Variants in SGCD observed in about 807,000 individuals in gnomAD.
SGCD encodes the protein delta-sarcoglycan.
In SGCD, 18 loss-of-function variants were observed where a neutral mutation model predicts 36.6. That is an observed-to-expected ratio of 0.49 (90% CI 0.34 to 0.73). SGCD has a LOEUF of 0.73. Among genes scored for constraint, SGCD ranks in the 30% least tolerant of loss-of-function variants. The pLI, the probability that SGCD is intolerant of heterozygous loss-of-function variation, is 0.01. For synonymous variants in SGCD, 133 were observed against 130.6 expected (o/e 1.02, Z -0.12); for missense variants, 387 against 346.7 (o/e 1.12, Z -0.92).
intron 6 of SGCD, among the ~76,000 whole-genome samples, chr5:156,628,093 A>G (rs1762500861): frequency 1.3e-5 from 2 of 152,176 alleles, no homozygotes; most frequent in African/African-American, 2.4e-5. Flanking sequence ...GAGGGGGAGC[A>G]AGCACATCCC....
At chr5:155,840,268 G>C in the SGCD span, among the ~76,000 whole-genome samples, 2 of 150,410 alleles carry the variant, frequency 1.3e-5, no homozygotes, top group African/African-American at 4.9e-5. Context: ...TTTTGAGCCG[G>C]AGTCTTGCTC....
chr5:156,287,512 A>G (rs1415281728), intron 3 of SGCD, among the ~76,000 whole-genome samples: 2 of 152,088 alleles, frequency 1.3e-5, no homozygotes, highest in African/African-American at 4.8e-5. Flanking sequence ...ATCAGGGTGG[A>G]AAGAAATAGG....
rs1449071409 is a variant in SGCD, at chr5:156,329,078, TTC to T, written c.-43-450_-43-449del. Among the ~76,000 whole-genome samples the T allele has an allele frequency of 7.2e-5, 11 of 152,274 alleles. No individual in the cohort carries two copies. In the East Asian group the frequency reaches 1.9e-3, roughly 27 times the overall value. On this transcript the variant is annotated intron_variant, in intron 1 of 8. Transcript: ENST00000337851. ...TGAAACTTGGTAGAAACTCTATAGT[TTC>T]TCTCTTTTTTAGAAGTAAAGTAGGG...
At chr5:156,350,497 C>T (rs1428216861) in intron 3 of SGCD, among the ~76,000 whole-genome samples, 3 of 151,846 alleles carry the variant, frequency 2.0e-5, no homozygotes, top group Non-Finnish European at 4.4e-5. Flanking sequence ...TCTGTGCTAT[C>T]CCCAAGGATA....
At chr5:156,473,489 A>G (rs1381361588) in intron 3 of SGCD, among the ~76,000 whole-genome samples, 2 of 152,228 alleles carry the variant, frequency 1.3e-5, no homozygotes, top group Middle Eastern at 3.2e-3. Flanking sequence ...CAACATATGA[A>G]TTGTTTACTT....
At chr5:156,286,937 C>T (rs1766620591) in intron 3 of SGCD, among the ~76,000 whole-genome samples, 2 of 152,002 alleles carry the variant, frequency 1.3e-5, no homozygotes, top group African/African-American at 4.8e-5. Flanking sequence ...TTTTATCCTC[C>T]ATTTATTCAA....
chr5:156,448,333 T>A (rs922842795), intron 3 of SGCD, among the ~76,000 whole-genome samples: 5 of 152,180 alleles, frequency 3.3e-5, no homozygotes, highest in African/African-American at 1.2e-4. Flanking sequence ...CCTGCCTAAG[T>A]CTGCACAAGG....
intron 3 of SGCD, among the ~76,000 whole-genome samples, chr5:156,228,861 G>A (rs1412717240): frequency 1.3e-5 from 2 of 152,034 alleles, no homozygotes; most frequent in Admixed American, 1.3e-4. Flanking sequence ...GGTTAATACT[G>A]TCAACTTGAT....
intron 3 of SGCD, among the ~76,000 whole-genome samples, chr5:156,354,393 A>G (rs1383694967): frequency 6.6e-6 from 1 of 152,120 alleles, no homozygotes; most frequent in Non-Finnish European, 1.5e-5. Context: ...ATGGGGAAAG[A>G]TGAGAATAGG....
rs79619469 is a variant in SGCD, at chr5:156,036,986, G to C, written c.-281-80892G>C. The stretch of plus-strand genomic sequence containing the variant: ...TCCTCATGCCACTTACAGTTTACTG[G>C]AGAGCTGGAAATTGATCAGATTGTG... On this transcript the variant is annotated intron_variant, in intron 1 of 9. Coordinates refer to the SGCD transcript ENST00000517913. 5.2e-3 allele frequency among the ~76,000 whole-genome samples: 794 copies of C among 152,252 alleles called. 7 individuals are homozygous for C. The highest frequency in any genetic ancestry group is 0.018 in the African/African-American group (763 of 41,554).
At chr5:156,092,566 G>A (rs930274265) in intron 1 of SGCD, among the ~76,000 whole-genome samples, 2 of 152,140 alleles carry the variant, frequency 1.3e-5, no homozygotes, top group African/African-American at 4.8e-5. Context: ...ATATTAGAAG[G>A]TTGTTTTGGT....
chr5:155,908,682 G>C (rs932954712), intron 1 of SGCD, among the ~76,000 whole-genome samples: 1 of 152,110 alleles, frequency 6.6e-6, no homozygotes, highest in East Asian at 1.9e-4. Flanking sequence ...TCAGTTTCTT[G>C]TGAGCTTTGT....
chr5:155,856,912 A>G, the SGCD span, among the ~76,000 whole-genome samples: 1 of 152,194 alleles, frequency 6.6e-6, no homozygotes, highest in Non-Finnish European at 1.5e-5. Context: ...TAGTGCAACC[A>G]CTTCGAAAAC....
intron 3 of SGCD, among the ~76,000 whole-genome samples, chr5:156,460,897 C>T (rs542380345): frequency 9.9e-5 from 15 of 152,250 alleles, no homozygotes; most frequent in Admixed American, 5.2e-4. Flanking sequence ...CCTTGTCATT[C>T]TTCAAGAAGT....
intron 3 of SGCD, among the ~76,000 whole-genome samples, chr5:156,298,172 C>T (rs963258855): frequency 2.6e-5 from 4 of 152,076 alleles, no homozygotes; most frequent in South Asian, 2.1e-4. Context: ...TCTCTTTATC[C>T]ATTCATCTGT....
chr5:156,421,597 T>G (rs1481209943), intron 3 of SGCD, among the ~76,000 whole-genome samples: 13 of 151,954 alleles, frequency 8.6e-5, no homozygotes, highest in Non-Finnish European at 1.2e-4. Flanking sequence ...ATAAAGGGCA[T>G]TATTTCAGAG....
At chr5:155,788,131 C>T in the SGCD span, among the ~76,000 whole-genome samples, 51 of 152,186 alleles carry the variant, frequency 3.4e-4, no homozygotes, top group East Asian at 6.2e-3. Context: ...TGAAAAATAA[C>T]GAGCATTCTA....
At chr5:156,086,997 A>G (rs1221833588) in intron 1 of SGCD, among the ~76,000 whole-genome samples, 1 of 152,160 alleles carries the variant, frequency 6.6e-6, no homozygotes, top group African/African-American at 2.4e-5. Flanking sequence ...ACCTGGGCTC[A>G]TGAAGGAAGC....
intron 3 of SGCD, among the ~76,000 whole-genome samples, chr5:156,365,199 G>A (rs1445834573): frequency 6.6e-6 from 1 of 152,102 alleles, no homozygotes; most frequent in African/African-American, 2.4e-5. Context: ...CAAATAAAAA[G>A]CACAGTGACT....
Sources: allele counts gnomAD v4.1 joint callset (sites outside exome capture counted in the v4.1 genomes callset), GRCh38; gene constraint gnomAD v4.1.1; transcripts MANE v1.5; gene names NCBI Gene and HGNC (gene_info 2026-07-23, HGNC 2026-07-21).